Variants in JAKMIP1 observed in about 807,000 individuals in gnomAD.
The protein encoded by JAKMIP1 is janus kinase and microtubule-interacting protein 1.
A neutral mutation model predicts 113.0 loss-of-function variants in JAKMIP1; 33 were observed. That is an observed-to-expected ratio of 0.29 (90% CI 0.22 to 0.39). JAKMIP1 has a LOEUF of 0.39. Ranked by LOEUF, JAKMIP1 falls within the 10% of genes least tolerant of loss-of-function variation. The probability of loss-of-function intolerance (pLI) is 1.00; values close to 1 mark genes in which losing one functional copy is unlikely to be tolerated. For missense variants in JAKMIP1, 813 were observed against 1,080.5 expected, an observed-to-expected ratio of 0.75 and a Z score of 3.47; for synonymous variants, 480 against 459.9, an observed-to-expected ratio of 1.04 and a Z score of -0.56.
Position 6,142,733 on chromosome 4 carries a change from G to A in JAKMIP1, c.-147-29736C>T, listed in dbSNP as rs1001455993. Among the ~76,000 whole-genome samples the A allele has an allele frequency of 3.9e-5, 6 of 152,282 alleles. No individual in the cohort carries two copies. The highest frequency in any genetic ancestry group is 2.9e-5 in the Non-Finnish European group (2 of 68,022). On this transcript the variant is annotated intron_variant, in intron 1 of 20. Coordinates refer to ENST00000409021, the MANE Select transcript of JAKMIP1 (RefSeq NM_001099433.2). The surrounding 1 kb of genome is among the most constrained non-coding windows in gnomAD (Gnocchi z 5.5). ...GCAATGGATGGGGTGCTCTGGCCCC[G>A]GGGCCTGGCCGCAGGCAGAGATCAG...
chr4:6,060,606 T>C (rs2108783371), intron 10 of JAKMIP1, 99 bp from the exon 11 acceptor site: 1 of 866,150 alleles, frequency 1.2e-6, no homozygotes, highest in South Asian at 1.3e-5. Flanking sequence ...CTAGGGTCCT[T>C]ATAGGCAAAC....
At chr4:6,037,522 C>T (rs1713666621) in intron 18 of JAKMIP1, among the ~76,000 whole-genome samples, 3 of 144,930 alleles carry the variant, frequency 2.1e-5, no homozygotes, top group Admixed American at 2.0e-4. Flanking sequence ...AACCCAGTAG[C>T]CCTCCAACAC....
At chr4:6,078,608 C>A (rs1291528378) in intron 8 of JAKMIP1, among the ~76,000 whole-genome samples, 1 of 152,058 alleles carries the variant, frequency 6.6e-6, no homozygotes, top group Non-Finnish European at 1.5e-5. Context: ...AGGATATGCT[C>A]TCATATAAAC....
chr4:6,132,916 C>T (rs1718707306), intron 1 of JAKMIP1, among the ~76,000 whole-genome samples: 2 of 152,140 alleles, frequency 1.3e-5, no homozygotes, highest in South Asian at 2.1e-4. Context: ...CCAACTTCTA[C>T]ACATTCATAG....
At chr4:6,060,784 C>T (rs1470301113) in intron 10 of JAKMIP1, among the ~76,000 whole-genome samples, 1 of 152,212 alleles carries the variant, frequency 6.6e-6, no homozygotes, top group East Asian at 1.9e-4. Context: ...GGAGAAGGGA[C>T]CCTGTTTTTG....
chr4:6,043,297 C>A (rs567745249), intron 16 of JAKMIP1, among the ~76,000 whole-genome samples: 2 of 152,098 alleles, frequency 1.3e-5, no homozygotes, highest in African/African-American at 4.8e-5. Context: ...GCAGAAAGCC[C>A]CCTTTCCCGA....
intron 8 of JAKMIP1, among the ~76,000 whole-genome samples, chr4:6,071,375 G>T (rs1718933930): frequency 6.6e-6 from 1 of 152,150 alleles, no homozygotes; most frequent in African/African-American, 2.4e-5. Context: ...GGGCGGGGCT[G>T]CAATCTGGAA....
At position 6,109,334 on chromosome 4, in the gene JAKMIP1, T is replaced by C. The variant is rs572206791; in HGVS notation, c.130-3367A>G. On this transcript the variant is annotated intron_variant, in intron 2 of 20. Coordinates refer to ENST00000409021, the MANE Select transcript of JAKMIP1 (RefSeq NM_001099433.2). ...ATTTTTAGTAGAGACAGAGTTTCAC[T>C]GTGTTAGCCAGGATGGTCTCGATCT... is the stretch of plus-strand genomic sequence containing the variant. Among the ~76,000 whole-genome samples, 33 of 151,904 alleles carry C rather than the reference T, an allele frequency of 2.2e-4. No homozygotes were observed. The East Asian group carries it at 2.7e-3, about 13-fold the overall frequency.
chr4:6,154,116 G>A lies in JAKMIP1; in HGVS notation c.-147-41119C>T, dbSNP rs115764815. On this transcript the variant is annotated intron_variant, in intron 1 of 20. Coordinates refer to ENST00000409021, the MANE Select transcript of JAKMIP1 (RefSeq NM_001099433.2). This position sits in a 1 kb window ranked among gnomAD's most constrained non-coding sequence, Gnocchi z 4.2. ...TGCTGCCTATGGTGAGAAGGCACAGGCTTGTGTCCTGCAGAGCTGATAAAC... is the reference window on the plus strand; with the variant it reads ...TGCTGCCTATGGTGAGAAGGCACAGACTTGTGTCCTGCAGAGCTGATAAAC... 0.011 allele frequency among the ~76,000 whole-genome samples: 1,612 copies of A among 152,296 alleles called. 23 individuals are homozygous for A. Among genetic ancestry groups the A allele is most frequent in the African/African-American group, 0.035 (1,470 of 41,528 alleles).
In JAKMIP1 at chr4:6,149,166, C is replaced by T. The variant is rs1446021529; in HGVS notation, c.-147-36169G>A. On this transcript the variant is annotated intron_variant, in intron 1 of 20. Coordinates refer to ENST00000409021, the MANE Select transcript of JAKMIP1 (RefSeq NM_001099433.2). ...GGCAGGACTGAGCTGAATGCTTTGT[C>T]GGGTCTTTTTAAAATAAGTAAGCTT... Among the ~76,000 whole-genome samples, 5 of 152,110 alleles carry T rather than the reference C, an allele frequency of 3.3e-5. No homozygotes were observed. The South Asian group carries it at 8.3e-4, about 25-fold the overall frequency.
chr4:6,075,642 G>A (rs537860451), intron 8 of JAKMIP1, among the ~76,000 whole-genome samples: 40 of 152,306 alleles, frequency 2.6e-4, no homozygotes, highest in Non-Finnish European at 4.7e-4. Flanking sequence ...ACACATCACC[G>A]TTCTTCTGCA....
intron 3 of JAKMIP1, among the ~76,000 whole-genome samples, chr4:6,102,722 C>CTTTTTTTTTTTTTTT (rs1191358910): frequency 3.9e-5 from 2 of 50,820 alleles, no homozygotes; most frequent in African/African-American, 8.6e-5. Context: ...TCTCTAAAGA[C>CTTTTTTTTTTTTTTT]TTTTTTTTTT....
intron 8 of JAKMIP1, among the ~76,000 whole-genome samples, chr4:6,075,124 G>A (rs760162754): frequency 2.6e-5 from 4 of 152,192 alleles, no homozygotes; most frequent in East Asian, 1.9e-4. Context: ...AGCCAAGAGC[G>A]TGCCACTGCA....
chr4:6,105,692 C>G lies in JAKMIP1; in HGVS notation c.405G>C (p.Glu135Asp). 1 of 1,603,658 alleles carries G rather than the reference C, an allele frequency of 6.2e-7. No individual in the cohort carries two copies. The highest frequency in any genetic ancestry group is 8.5e-7 in the Non-Finnish European group (1 of 1,177,854). Residue 135 changes from glutamate (E) to aspartate (D), a missense_variant, in exon 3 of 21, where the codon GAG (glutamate) becomes GAC (aspartate). Glu to Asp is a conservative substitution (Grantham distance 45). Around this residue, in one of 2 missense-constraint regions of JAKMIP1, gnomAD observed 540 missense variants for 653.9 expected, o/e 0.83. Transcript: ENST00000409021. ...ADKVKTALLT[E>D]AREEARRAFD... ...AGGCCCTGCGCGCCTCCTCGCGCGC[C>G]TCGGTCAGCAGCGCCGTCTTGACCT...
rs1268831865 is a variant in JAKMIP1 at position 6,037,600 on chromosome 4, C to T, written c.2176-1493G>A. Among the ~76,000 whole-genome samples the T allele has an allele frequency of 1.5e-4, 21 of 137,592 alleles. No individual in the cohort carries two copies. In the East Asian group the frequency reaches 2.0e-3, roughly 13 times the overall value. The allele number at this position is 137,592 out of a possible 152,430, so 90.3% of individuals were successfully genotyped here. On this transcript the variant is annotated intron_variant, in intron 18 of 20. Transcript: ENST00000409021. ...GGATAACCCAGTAGCCCTCCATCAC[C>T]GAGGCAGAGGCTAACCGGTATCCCT...
At chr4:6,068,643 C>T (rs1240283762) in intron 8 of JAKMIP1, among the ~76,000 whole-genome samples, 4 of 150,754 alleles carry the variant, frequency 2.7e-5, no homozygotes, top group Non-Finnish European at 5.9e-5. Context: ...CTACAACTTC[C>T]GTCTCCCAAG....
intron 8 of JAKMIP1, among the ~76,000 whole-genome samples, chr4:6,073,819 T>C (rs1346459457): frequency 1.3e-5 from 2 of 152,242 alleles, no homozygotes; most frequent in East Asian, 3.9e-4. Flanking sequence ...TTATCCAAAA[T>C]GATGGGTCCT....
At chr4:6,079,109 G>A in intron 7 of JAKMIP1, 111 bp from the exon 8 acceptor site, 1 of 1,107,938 alleles carries the variant, frequency 9.0e-7, no homozygotes, top group Middle Eastern at 2.0e-4. Context: ...GGCATGGCTA[G>A]TTGAAGTTCT....
chr4:6,036,929 CCGAGG>C lies in JAKMIP1; in HGVS notation c.2176-827_2176-823del, dbSNP rs879695488. On this transcript the variant is annotated intron_variant, in intron 18 of 20. Transcript: ENST00000409021. Reference sequence around the variant, plus strand: ...GAGGTTAACCATTAGCCCTCCATCACCGAGGTAGAGGCTAACCGGTATCCCTCCAT... The same window carrying C: ...GAGGTTAACCATTAGCCCTCCATCACTAGAGGCTAACCGGTATCCCTCCAT... 4.4e-3 allele frequency among the ~76,000 whole-genome samples: 672 copies of C among 151,966 alleles called. 20 individuals carry two copies. The highest frequency in any genetic ancestry group is 7.7e-3 in the Non-Finnish European group (526 of 67,950).
Sources: allele counts gnomAD v4.1 joint callset (sites outside exome capture counted in the v4.1 genomes callset), GRCh38; gene constraint gnomAD v4.1.1; regional missense constraint gnomAD v4.1.1; non-coding constraint Gnocchi (gnomAD v3.1); transcripts MANE v1.5; gene names NCBI Gene and HGNC (gene_info 2026-07-23, HGNC 2026-07-21).